CACNA2D3: variants seen among roughly 807,000 people sequenced by gnomAD.
CACNA2D3 encodes the protein calcium voltage-gated channel auxiliary subunit alpha2delta 3.
Under a neutral mutation model 160.6 loss-of-function variants are expected in CACNA2D3, and 60 were observed. That is an observed-to-expected ratio of 0.37 (90% CI 0.30 to 0.46). The LOEUF is 0.46. Among genes scored for constraint, CACNA2D3 ranks in the 20% least tolerant of loss-of-function variants. The pLI is 1.00. For synonymous variants in CACNA2D3, 558 were observed against 492.9 expected, an observed-to-expected ratio of 1.13 and a Z score of -1.75; for missense variants, 1,205 against 1,365.0, an observed-to-expected ratio of 0.88 and a Z score of 1.85.
chr3:54,199,573 A>G (rs1701141520), intron 2 of CACNA2D3, among the ~76,000 whole-genome samples: 1 of 151,716 alleles, frequency 6.6e-6, no homozygotes, highest in African/African-American at 2.4e-5. Context: ...GGGTTTTGCC[A>G]TGTTCCCCAG....
chr3:54,747,964 A>G (rs1464662292), intron 11 of CACNA2D3, among the ~76,000 whole-genome samples: 1 of 152,178 alleles, frequency 6.6e-6, no homozygotes, highest in Non-Finnish European at 1.5e-5. Flanking sequence ...TGAATTTGCC[A>G]TTTATTATGT....
chr3:54,274,007 T>G (rs1702679987), intron 2 of CACNA2D3, among the ~76,000 whole-genome samples: 1 of 143,534 alleles, frequency 7.0e-6, no homozygotes, highest in Non-Finnish European at 1.5e-5. Context: ...TGAGTGGGCG[T>G]ATGGCTGTCA....
intron 17 of CACNA2D3, among the ~76,000 whole-genome samples, chr3:54,860,555 A>G (rs1699268885): frequency 6.6e-6 from 1 of 152,228 alleles, no homozygotes. Flanking sequence ...GTTCGTATAT[A>G]TTTAAAGGGA....
chr3:54,654,603 G>A (rs1699842294), intron 11 of CACNA2D3, among the ~76,000 whole-genome samples: 1 of 152,098 alleles, frequency 6.6e-6, no homozygotes, highest in Non-Finnish European at 1.5e-5. Context: ...AAGCTTGGGG[G>A]AGAAGCTCTA....
At chr3:54,637,821 C>T (rs1035259502) in intron 10 of CACNA2D3, 4 of 152,032 alleles carry the variant, frequency 2.6e-5, no homozygotes, top group Non-Finnish European at 5.9e-5. Flanking sequence ...CTGGGAGTGG[C>T]TGCCAGGTGA....
chr3:55,025,157 C>A (rs955561107), intron 35 of CACNA2D3, among the ~76,000 whole-genome samples: 4 of 152,148 alleles, frequency 2.6e-5, no homozygotes, highest in Admixed American at 1.3e-4. Context: ...AGTATTTTTC[C>A]TTATTAGAAA....
At chr3:54,541,796 C>G (rs1701983776) in intron 5 of CACNA2D3, among the ~76,000 whole-genome samples, 2 of 152,152 alleles carry the variant, frequency 1.3e-5, no homozygotes, top group Non-Finnish European at 2.9e-5. Flanking sequence ...TGGATTGAAG[C>G]TAGGCCCAGA....
chr3:54,786,372 C>A (rs1702641662), intron 13 of CACNA2D3, among the ~76,000 whole-genome samples: 1 of 152,288 alleles, frequency 6.6e-6, no homozygotes, highest in African/African-American at 2.4e-5. Context: ...TGATTTTACT[C>A]TTGTTATAGT....
intron 9 of CACNA2D3, among the ~76,000 whole-genome samples, chr3:54,603,885 A>G (rs1289995662): frequency 6.6e-6 from 1 of 152,232 alleles, no homozygotes; most frequent in Non-Finnish European, 1.5e-5. Flanking sequence ...TTTAAAAAAA[A>G]AAAGTTTAAC....
intron 2 of CACNA2D3, among the ~76,000 whole-genome samples, chr3:54,254,256 A>G (rs1022530823): frequency 6.6e-6 from 1 of 152,104 alleles, no homozygotes; most frequent in Non-Finnish European, 1.5e-5. Context: ...TCTCTGGAGG[A>G]TCATCTTCCA....
intron 5 of CACNA2D3, among the ~76,000 whole-genome samples, chr3:54,547,337 A>C (rs1165836343): frequency 6.6e-6 from 1 of 152,188 alleles, no homozygotes; most frequent in African/African-American, 2.4e-5. Flanking sequence ...TGTTCTAGCC[A>C]TGAGAACCCA....
chr3:54,569,327 C>G (rs527236751), intron 6 of CACNA2D3, among the ~76,000 whole-genome samples: 1 of 152,114 alleles, frequency 6.6e-6, no homozygotes, highest in Non-Finnish European at 1.5e-5. Flanking sequence ...GGAACAGACC[C>G]GTGTATATCC....
At chr3:54,877,995 A>C (rs1171542563) in intron 18 of CACNA2D3, among the ~76,000 whole-genome samples, 2 of 152,236 alleles carry the variant, frequency 1.3e-5, no homozygotes, top group Non-Finnish European at 2.9e-5. Flanking sequence ...TTGTTAAAAA[A>C]ATATCTAGAG....
At chr3:54,757,963 C>A (rs920338577) in intron 12 of CACNA2D3, among the ~76,000 whole-genome samples, 1 of 152,188 alleles carries the variant, frequency 6.6e-6, no homozygotes, top group African/African-American at 2.4e-5. Context: ...AGAACTCTTA[C>A]ATATCTCTCT....
chr3:54,583,266 C>G (rs559967692), intron 9 of CACNA2D3, among the ~76,000 whole-genome samples: 1 of 151,902 alleles, frequency 6.6e-6, no homozygotes, highest in Non-Finnish European at 1.5e-5. Context: ...CCCAGAGGAA[C>G]AAAGGACAGT....
chr3:55,010,053 A>AGT (rs1703176245), intron 34 of CACNA2D3, among the ~76,000 whole-genome samples: 2 of 152,022 alleles, frequency 1.3e-5, no homozygotes, highest in African/African-American at 4.8e-5. Context: ...TTAGCAAGTG[A>AGT]ATGTGTGTGT....
chr3:55,057,541 A>G (rs1704394717), intron 35 of CACNA2D3, among the ~76,000 whole-genome samples: 1 of 152,144 alleles, frequency 6.6e-6, no homozygotes, highest in Non-Finnish European at 1.5e-5. Context: ...TTTTTTTGTT[A>G]AGGAGGAAGC....
intron 35 of CACNA2D3, among the ~76,000 whole-genome samples, chr3:55,072,203 G>C (rs6797756): frequency 0.014 from 2,169 of 152,278 alleles, 52 homozygotes; most frequent in African/African-American, 0.049. Context: ...TAGTGGTTAA[G>C]GCATTGAGGA....
chr3:54,456,232 T>C (rs534623915), intron 4 of CACNA2D3, among the ~76,000 whole-genome samples: 112 of 152,124 alleles, frequency 7.4e-4, no homozygotes, highest in African/African-American at 2.6e-3. Flanking sequence ...CTGATTTCTT[T>C]CATCAGTGTT....
Sources: gnomAD v4.1 joint callset for allele counts (sites outside exome capture counted in the v4.1 genomes callset) on GRCh38, gnomAD v4.1.1 for gene constraint, MANE v1.5 for transcripts, NCBI Gene and HGNC (gene_info 2026-07-23, HGNC 2026-07-21) for gene names.